The following C1orf21 variants were observed in gnomAD, a reference collection of about 807,000 sequenced individuals.
C1orf21 encodes uncharacterized protein C1orf21.
C1orf21 carries 3 observed loss-of-function variants against 18.7 expected under a neutral mutation model. That is an observed-to-expected ratio of 0.16 (90% CI 0.07 to 0.42). The LOEUF (loss-of-function observed/expected upper bound fraction) is 0.42, where lower values mean the gene tolerates loss of function less well. C1orf21 is among the 10% of genes least tolerant of loss of function. The pLI, the probability that C1orf21 is intolerant of heterozygous loss-of-function variation, is 0.99. For synonymous variants in C1orf21, 41 were observed against 46.4 expected (o/e 0.88, Z 0.47); for missense variants, 104 against 143.6 (o/e 0.72, Z 1.41).
chr1:184,579,663 A>T lies in C1orf21; in HGVS notation c.190-11076A>T, dbSNP rs552907397. Among the ~76,000 whole-genome samples the T allele has an allele frequency of 1.3e-3, 199 of 151,388 alleles. 1 individual carries two copies. The highest frequency in any genetic ancestry group is 4.7e-3 in the African/African-American group (192 of 41,290). ...GTAGCTGGGATTACAGGCACCCACCACCACACCTGGCTAATTTTTGTATTT... is the reference window on the plus strand; with the variant it reads ...GTAGCTGGGATTACAGGCACCCACCTCCACACCTGGCTAATTTTTGTATTT... On this transcript the variant is annotated intron_variant, in intron 3 of 5. Coordinates refer to ENST00000235307, the MANE Select transcript of C1orf21 (RefSeq NM_030806.4).
chr1:184,604,321 A>G (rs1659622545), intron 5 of C1orf21, among the ~76,000 whole-genome samples: 1 of 152,192 alleles, frequency 6.6e-6, no homozygotes, highest in African/African-American at 2.4e-5. Flanking sequence ...CCACGTGTGC[A>G]GAGAAAGTCA....
chr1:184,598,550 T>C, intron 5 of C1orf21, 89 bp downstream of exon 5: 1 of 1,253,892 alleles, frequency 8.0e-7, no homozygotes, highest in Admixed American at 2.4e-5. Flanking sequence ...TGTTTCTATG[T>C]CATAAAGCTA....
At chr1:184,555,133 C>A (rs927653455) in intron 3 of C1orf21, among the ~76,000 whole-genome samples, 10 of 152,198 alleles carry the variant, frequency 6.6e-5, no homozygotes, top group African/African-American at 2.4e-4. Flanking sequence ...ATTTTTCCTG[C>A]TCAGCACCTA....
chr1:184,410,941 C>A (rs763824175), intron 1 of C1orf21, among the ~76,000 whole-genome samples: 1 of 151,350 alleles, frequency 6.6e-6, no homozygotes, highest in South Asian at 2.1e-4. Flanking sequence ...GGTGAGCCAC[C>A]GCGCCTGGCC....
At chr1:184,474,363 G>T (rs539210134) in intron 1 of C1orf21, among the ~76,000 whole-genome samples, 2 of 152,080 alleles carry the variant, frequency 1.3e-5, no homozygotes, top group Admixed American at 6.5e-5. Context: ...TTGTTAACCT[G>T]CCCCTCACCC....
At chr1:184,442,699 AACTT>A (rs1446850731) in intron 1 of C1orf21, among the ~76,000 whole-genome samples, 7 of 152,200 alleles carry the variant, frequency 4.6e-5, no homozygotes, top group Admixed American at 3.3e-4. Context: ...TGAGGATCCC[AACTT>A]ACTTACTTGA....
chr1:184,551,622 G>T (rs901791803), intron 3 of C1orf21, among the ~76,000 whole-genome samples: 4 of 152,164 alleles, frequency 2.6e-5, no homozygotes, highest in Non-Finnish European at 4.4e-5. Context: ...GCATCTTTCT[G>T]GTTAGCTGCC....
At chr1:184,486,699 TA>T (rs953797509) in intron 2 of C1orf21, among the ~76,000 whole-genome samples, 8 of 150,664 alleles carry the variant, frequency 5.3e-5, no homozygotes, top group South Asian at 4.2e-4. Flanking sequence ...CTTTCTATAT[TA>T]AAAAAAAAAT....
rs1659976781 is a variant in C1orf21 at position 184,624,606 on chromosome 1, A to C, written c.*5050A>C. On this transcript the variant is annotated 3_prime_UTR_variant, in exon 6 of 6. Coordinates refer to ENST00000235307, the MANE Select transcript of C1orf21 (RefSeq NM_030806.4). ...GGCAATGCCTGGACCACTGACTTGC[A>C]TTGAAATCCTTTCTTGTGGGCTAGG... is the stretch of plus-strand genomic sequence containing the variant. The C allele has an allele frequency of 1.3e-5, 2 of 152,180 alleles. No homozygotes were observed. Among genetic ancestry groups the C allele is most frequent in the East Asian group, 3.9e-4 (2 of 5,192 alleles). 9.4% of individuals were successfully genotyped at this position (152,180 alleles called of 1,614,324 possible). A position where few individuals can be genotyped will look rare whatever the true frequency, so the allele number is the denominator to read the frequency against.
At chr1:184,506,474 A>T (rs772344187) in intron 2 of C1orf21, among the ~76,000 whole-genome samples, 5 of 152,202 alleles carry the variant, frequency 3.3e-5, no homozygotes, top group Non-Finnish European at 7.3e-5. Context: ...ATCATAGTTA[A>T]TAAGAAAATA....
At chr1:184,437,003 A>G (rs1656869406) in intron 1 of C1orf21, among the ~76,000 whole-genome samples, 1 of 152,148 alleles carries the variant, frequency 6.6e-6, no homozygotes, top group Non-Finnish European at 1.5e-5. Context: ...TCTGAAGGGT[A>G]GGAAAAAAGG....
intron 2 of C1orf21, among the ~76,000 whole-genome samples, chr1:184,478,500 G>C (rs182420846): frequency 6.6e-6 from 1 of 152,236 alleles, no homozygotes; most frequent in East Asian, 1.9e-4. Context: ...CTTCAAAAGA[G>C]CTGGCAGCAA....
At chr1:184,399,158 C>T (rs567916423) in intron 1 of C1orf21, among the ~76,000 whole-genome samples, 1 of 152,088 alleles carries the variant, frequency 6.6e-6, no homozygotes, top group East Asian at 1.9e-4. Context: ...TTTTCCTTCT[C>T]TGGAAGTTTA....
intron 3 of C1orf21, among the ~76,000 whole-genome samples, chr1:184,544,159 C>T (rs1260343618): frequency 1.3e-5 from 2 of 152,202 alleles, no homozygotes; most frequent in Non-Finnish European, 2.9e-5. Flanking sequence ...ATTTAATGTT[C>T]TATACATTTC....
intron 4 of C1orf21, among the ~76,000 whole-genome samples, chr1:184,595,541 A>G (rs1343974974): frequency 2.0e-5 from 3 of 152,150 alleles, no homozygotes; most frequent in Non-Finnish European, 2.9e-5. Context: ...TGATATGGGG[A>G]AATTTTTATT....
At chr1:184,398,811 T>C (rs1322560143) in intron 1 of C1orf21, among the ~76,000 whole-genome samples, 2 of 152,182 alleles carry the variant, frequency 1.3e-5, no homozygotes, top group African/African-American at 2.4e-5. Flanking sequence ...AAAAATGATA[T>C]ACCTGTGTAG....
chr1:184,504,841 C>T (rs1658029652), intron 2 of C1orf21, among the ~76,000 whole-genome samples: 1 of 152,030 alleles, frequency 6.6e-6, no homozygotes, highest in African/African-American at 2.4e-5. Context: ...CTCTTAACAC[C>T]ACGTTGGCTA....
At chr1:184,565,828 A>G (rs560102968) in intron 3 of C1orf21, among the ~76,000 whole-genome samples, 2 of 152,382 alleles carry the variant, frequency 1.3e-5, no homozygotes, top group African/African-American at 4.8e-5. Context: ...GTTGTTCAAT[A>G]GATTACATGG....
intron 3 of C1orf21, among the ~76,000 whole-genome samples, chr1:184,522,497 T>C (rs1658319204): frequency 6.6e-6 from 1 of 151,930 alleles, no homozygotes; most frequent in Admixed American, 6.6e-5. Context: ...GTGCGTCTTG[T>C]AGTGTCAGAA....
Sources: gnomAD v4.1 joint callset for allele counts (sites outside exome capture counted in the v4.1 genomes callset) on GRCh38, gnomAD v4.1.1 for gene constraint, MANE v1.5 for transcripts, NCBI Gene and HGNC (gene_info 2026-07-23, HGNC 2026-07-21) for gene names.